PARVB: variants seen among roughly 807,000 people sequenced by gnomAD.
PARVB encodes beta-parvin.
Under a neutral mutation model 47.0 loss-of-function variants are expected in PARVB, and 46 were observed. The ratio of observed to expected loss-of-function variants is 0.98; its 90% CI spans 0.77 to 1.25. PARVB has a LOEUF of 1.25. PARVB is among the 50% of genes most tolerant of loss of function. PARVB has a pLI of 0.00. For synonymous variants in PARVB, 196 were observed against 196.3 expected, an observed-to-expected ratio of 1.00 and a Z score of 0.01; for missense variants, 473 against 471.6, an observed-to-expected ratio of 1.00 and a Z score of -0.03.
At chr22:44,127,252 C>CT (rs133910) in intron 4 of PARVB, among the ~76,000 whole-genome samples, 27,525 of 149,930 alleles carry the variant, frequency 0.18, 3,033 homozygotes, top group Non-Finnish European at 0.24. Flanking sequence ...ATTAAAACCA[C>CT]TTTTTTTTTT....
intron 12 of PARVB, among the ~76,000 whole-genome samples, chr22:44,164,410 C>A (rs984752363): frequency 4.1e-4 from 5 of 12,232 alleles, no homozygotes; most frequent in Admixed American, 2.8e-3. Context: ...GCTTCCCTGT[C>A]CCCCCCCCGG....
chr22:44,143,419 C>G (rs941348972), intron 8 of PARVB: 2 of 152,296 alleles, frequency 1.3e-5, no homozygotes, highest in Non-Finnish European at 2.9e-5. Context: ...GACCTTTCCT[C>G]GGGGTGCACC....
Position 44,131,619 on chromosome 22 carries a change from G to A in PARVB, c.509G>A (p.Ser170Asn). 1.9e-6 allele frequency: 3 copies of A among 1,611,620 alleles called. No individual in the cohort carries two copies. The highest frequency in any genetic ancestry group is 2.5e-6 in the Non-Finnish European group (3 of 1,179,114). The change falls in exon 5 of 13, where the codon AGC becomes AAC. Residue 170 changes from serine to asparagine, a missense_variant. Coordinates refer to ENST00000338758, the MANE Select transcript of PARVB (RefSeq NM_013327.5). ...LRPRGWALRW[S>N]VDSIHGKNLV... Reference sequence around the variant, plus strand: ...CCCCGAGGCTGGGCGCTCCGGTGGAGCGTGGACTGTGAGTTCCACGCCACA... The same window carrying A: ...CCCCGAGGCTGGGCGCTCCGGTGGAACGTGGACTGTGAGTTCCACGCCACA...
At position 44,163,896 on chromosome 22, in the gene PARVB, C is replaced by T. The variant is rs146183248; in HGVS notation, c.984C>T (p.Asp328=). ...CCTTCGCCTTTGAGCTGATGCTGGA[C>T]GGAGGCCTCAAGAAACCCAAGGCTC... is the stretch of plus-strand genomic sequence containing the variant. ...NVSFAFELML[D]GGLKKPKARP... Residue 328 remains aspartate (D), a synonymous_variant, in exon 12 of 13, where the codon GAC becomes GAT. Coordinates refer to ENST00000338758, the MANE Select transcript of PARVB (RefSeq NM_013327.5). 2.7e-4 allele frequency: 438 copies of T among 1,611,246 alleles called. 4 individuals carry two copies. In the Middle Eastern group the frequency reaches 4.3e-3, roughly 16 times the overall value.
At position 44,151,448 on chromosome 22, in the gene PARVB, A is replaced by G. The variant is rs1601688105; in HGVS notation, c.775-35A>G. 10 of 1,577,018 alleles carry G rather than the reference A, an allele frequency of 6.3e-6. 1 individual carries two copies. Among genetic ancestry groups the G allele is most frequent in the Non-Finnish European group, 7.0e-6 (8 of 1,146,332 alleles). On this transcript the variant is annotated intron_variant, in intron 9 of 12. Transcript: ENST00000338758. ...TCCAGATGGGACCTGCATGCGGGCC[A>G]TTCATGGCTCCTGTGTCTCTTTTAT... is the stretch of plus-strand genomic sequence containing the variant.
chr22:43,999,834 G>GAAAAAA (rs113458130), intron 2 of PARVB, among the ~76,000 whole-genome samples: 41 of 69,360 alleles, frequency 5.9e-4, no homozygotes, highest in African/African-American at 7.7e-4. Flanking sequence ...CCATCTATAT[G>GAAAAAA]AAAAAAAAAA....
chr22:44,123,579 T>A (rs2053120498), intron 4 of PARVB, among the ~76,000 whole-genome samples: 2 of 152,076 alleles, frequency 1.3e-5, no homozygotes, highest in African/African-American at 4.8e-5. Context: ...ATGCATGACT[T>A]ATTTTTTGTA....
At chr22:44,163,670 C>T (rs2054099806) in intron 11 of PARVB, among the ~76,000 whole-genome samples, 188 bp from the exon 12 acceptor site, 2 of 152,154 alleles carry the variant, frequency 1.3e-5, no homozygotes, top group Admixed American at 6.5e-5. Context: ...AGTAAGCGCA[C>T]ATGGCCCTCC....
chr22:44,147,755 TG>T (rs1317069885), intron 8 of PARVB, 105 bp from the exon 9 acceptor site: 1 of 886,936 alleles, frequency 1.1e-6, no homozygotes, highest in Admixed American at 1.7e-5. Flanking sequence ...GTGTGGGAGT[TG>T]AGGCTGAACC....
chr22:44,146,012 G>A, intron 8 of PARVB: 1 of 152,206 alleles, frequency 6.6e-6, no homozygotes, highest in Non-Finnish European at 1.5e-5. Context: ...TGTGTGCAGA[G>A]GCAGGGCATT....
intron 11 of PARVB, among the ~76,000 whole-genome samples, chr22:44,162,165 C>T (rs189519606): frequency 5.8e-4 from 89 of 152,328 alleles, no homozygotes; most frequent in Middle Eastern, 6.8e-3. Flanking sequence ...CCAAAGCACC[C>T]CACACTGTTT....
At chr22:44,061,578 C>T (rs552023861) in intron 1 of PARVB, among the ~76,000 whole-genome samples, 68 of 152,196 alleles carry the variant, frequency 4.5e-4, no homozygotes, top group South Asian at 1.5e-3. Context: ...GAAGGCAGAG[C>T]GCCCCGTGTT....
rs1294210301 is a variant in PARVB at position 44,089,076 on chromosome 22, G to A, written c.113-4852G>A. ...TTCCCACTCTGCCATCCCGGGCTGAGCGAGGAGTGCCCGTCTCCAGAGACA... is the reference window on the plus strand; with the variant it reads ...TTCCCACTCTGCCATCCCGGGCTGAACGAGGAGTGCCCGTCTCCAGAGACA... On this transcript the variant is annotated intron_variant, in intron 1 of 12. Transcript: ENST00000338758. This position sits in a 1 kb window ranked among gnomAD's most constrained non-coding sequence, Gnocchi z 4.0. 6.6e-6 allele frequency among the ~76,000 whole-genome samples: 1 copy of A among 152,130 alleles called. No homozygotes were observed. The highest frequency in any genetic ancestry group is 2.4e-5 in the African/African-American group (1 of 41,430).
chr22:44,147,322 A>G (rs1185726148), intron 8 of PARVB: 4 of 238,722 alleles, frequency 1.7e-5, no homozygotes, highest in Non-Finnish European at 3.4e-5. Flanking sequence ...GGGGAAACAA[A>G]TGATCCTGTT....
intron 4 of PARVB, among the ~76,000 whole-genome samples, chr22:44,121,082 C>T (rs946753745): frequency 2.8e-4 from 42 of 150,040 alleles, no homozygotes; most frequent in Non-Finnish European, 7.4e-5. Flanking sequence ...ACCTCATGAT[C>T]CACCCACCTC....
At chr22:44,018,318 C>T (rs2050606702) in intron 2 of PARVB, among the ~76,000 whole-genome samples, 1 of 152,138 alleles carries the variant, frequency 6.6e-6, no homozygotes, top group Non-Finnish European at 1.5e-5. Flanking sequence ...AGGAGAATCA[C>T]CTGAACCCAG....
chr22:44,016,587 CAG>C (rs2050585996), intron 2 of PARVB, among the ~76,000 whole-genome samples: 1 of 152,212 alleles, frequency 6.6e-6, no homozygotes, highest in African/African-American at 2.4e-5. Context: ...ACCTTGTACA[CAG>C]AGTCTGAAGG....
chr22:44,076,808 C>T (rs2051784402), intron 1 of PARVB, among the ~76,000 whole-genome samples: 1 of 152,154 alleles, frequency 6.6e-6, no homozygotes, highest in African/African-American at 2.4e-5. Context: ...CCCAACTCCC[C>T]TGCACCCTAG....
At position 44,121,552 on chromosome 22, in the gene PARVB, CTT is replaced by C. The variant is rs768902198; in HGVS notation, c.376+2417_376+2418del. On this transcript the variant is annotated intron_variant, in intron 4 of 12. Transcript: ENST00000338758. ...ATAAGTGCTTTTCTTCTCCTGTGTC[CTT>C]TTTTAAAAAAAAAAAATCCCCTAAA... Among the ~76,000 whole-genome samples, 9 of 95,236 alleles carry C rather than the reference CTT, an allele frequency of 9.5e-5. 2 individuals are homozygous for C. The highest frequency in any genetic ancestry group is 2.1e-4 in the African/African-American group (6 of 28,314). The allele number at this position is 95,236 out of a possible 152,430, so 62.5% of individuals were successfully genotyped here. A position where few individuals can be genotyped will look rare whatever the true frequency, so the allele number is the denominator to read the frequency against.
Sources: gnomAD v4.1 joint callset for allele counts (sites outside exome capture counted in the v4.1 genomes callset) on GRCh38, gnomAD v4.1.1 for gene constraint, Gnocchi (gnomAD v3.1) non-coding constraint, MANE v1.5 for transcripts, NCBI Gene and HGNC (gene_info 2026-07-23, HGNC 2026-07-21) for gene names.